Variants in SGCZ observed in about 807,000 individuals in gnomAD.
SGCZ encodes sarcoglycan zeta.
A neutral mutation model predicts 41.3 loss-of-function variants in SGCZ; 40 were observed. The observed-to-expected ratio is 0.97, with a 90% CI of 0.75 to 1.26. The LOEUF is 1.26. SGCZ is among the 50% of genes most tolerant of loss of function. SGCZ has a pLI of 0.00. For missense variants in SGCZ, 552 were observed against 369.8 expected (o/e 1.49, Z -4.04); for synonymous variants, 206 against 137.5 (o/e 1.50, Z -3.49).
chr8:14,193,132 T>C (rs1471934768), intron 4 of SGCZ, among the ~76,000 whole-genome samples: 1 of 151,882 alleles, frequency 6.6e-6, no homozygotes, highest in South Asian at 2.1e-4. Context: ...GTTTTCTTTT[T>C]TGACAAAGTA....
intron 1 of SGCZ, among the ~76,000 whole-genome samples, chr8:14,965,797 G>T (rs1352318038): frequency 5.3e-5 from 8 of 152,030 alleles, no homozygotes; most frequent in Admixed American, 5.2e-4. Flanking sequence ...AATATCCAAT[G>T]CTAGTAAGTA....
At chr8:14,512,950 T>C (rs1013204553) in intron 2 of SGCZ, among the ~76,000 whole-genome samples, 2 of 151,712 alleles carry the variant, frequency 1.3e-5, no homozygotes, top group African/African-American at 4.8e-5. Context: ...TGAAGCCTGA[T>C]AATGTCTATT....
In SGCZ at chr8:14,164,453, C is replaced by G. The variant is rs1804143668; in HGVS notation, c.547+127G>C. On this transcript the variant is annotated intron_variant, in intron 5 of 7. Coordinates refer to ENST00000382080, the MANE Select transcript of SGCZ (RefSeq NM_139167.4). ...TTCCATTTGAAGGCTACTTGAAGAA[C>G]AAACGTTGTGATTATGTAAGACTCT... 2.6e-6 allele frequency: 3 copies of G among 1,166,168 alleles called. No individual in the cohort carries two copies. The East Asian group carries it at 7.5e-5, about 29-fold the overall frequency. 72.2% of individuals were successfully genotyped at this position (1,166,168 alleles called of 1,614,324 possible). A position where few individuals can be genotyped will look rare whatever the true frequency, so the allele number is the denominator to read the frequency against.
At chr8:14,178,194 T>A (rs1458498728) in intron 4 of SGCZ, among the ~76,000 whole-genome samples, 1 of 152,102 alleles carries the variant, frequency 6.6e-6, no homozygotes, top group Non-Finnish European at 1.5e-5. Flanking sequence ...CCTCAGGTGA[T>A]CTGCCTGCCT....
chr8:14,146,871 CA>C lies in SGCZ; in HGVS notation c.547+17708del, dbSNP rs66592259. ...TGGGCGACAGAGCGAGACTCCGTCT[CA>C]AAAAATAAAAATAAAAAAAATAATA... On this transcript the variant is annotated intron_variant, in intron 5 of 7. Coordinates refer to ENST00000382080, the MANE Select transcript of SGCZ (RefSeq NM_139167.4). 6.7e-5 allele frequency among the ~76,000 whole-genome samples: 5 copies of C among 74,842 alleles called. 1 individual carries two copies. The highest frequency in any genetic ancestry group is 2.2e-4 in the African/African-American group (4 of 18,548). The allele number at this position is 74,842 out of a possible 152,430, so 49.1% of individuals were successfully genotyped here. A position where few individuals can be genotyped will look rare whatever the true frequency, so the allele number is the denominator to read the frequency against.
At chr8:14,424,622 GT>G in intron 2 of SGCZ, among the ~76,000 whole-genome samples, 1 of 128,522 alleles carries the variant, frequency 7.8e-6, no homozygotes, top group Non-Finnish European at 1.6e-5. Context: ...AGCTTTTGTT[GT>G]CATTTTTACG....
At chr8:14,486,828 G>C (rs1236387263) in intron 2 of SGCZ, among the ~76,000 whole-genome samples, 1 of 152,212 alleles carries the variant, frequency 6.6e-6, no homozygotes, top group Non-Finnish European at 1.5e-5. Flanking sequence ...GGCTGTGAAT[G>C]ATTACGTTTT....
chr8:15,067,761 T>C (rs1805206737), intron 1 of SGCZ, among the ~76,000 whole-genome samples: 1 of 152,178 alleles, frequency 6.6e-6, no homozygotes. Flanking sequence ...TTCTATGCCA[T>C]GCACTGTGCA....
chr8:14,760,338 C>T (rs1261759458), intron 1 of SGCZ, among the ~76,000 whole-genome samples: 2 of 152,182 alleles, frequency 1.3e-5, no homozygotes, highest in South Asian at 2.1e-4. Context: ...GTTAACAATC[C>T]GATGGAAGAA....
intron 1 of SGCZ, among the ~76,000 whole-genome samples, chr8:14,759,894 C>T (rs1799807060): frequency 1.3e-5 from 2 of 152,160 alleles, no homozygotes; most frequent in South Asian, 2.1e-4. Flanking sequence ...CCAGGATCAA[C>T]AGAACACTGC....
At chr8:14,240,922 C>T (rs1223039586) in intron 3 of SGCZ, among the ~76,000 whole-genome samples, 7 of 152,152 alleles carry the variant, frequency 4.6e-5, no homozygotes, top group Admixed American at 4.6e-4. Context: ...ATCTTTCAGT[C>T]ATTTAAGGGA....
chr8:15,223,047 G>T (rs1251123183), intron 1 of SGCZ, among the ~76,000 whole-genome samples: 1 of 152,068 alleles, frequency 6.6e-6, no homozygotes, highest in African/African-American at 2.4e-5. Context: ...CAGATGGTAA[G>T]GAGATGAGAG....
At chr8:14,724,205 G>T (rs145069503) in intron 1 of SGCZ, among the ~76,000 whole-genome samples, 1 of 152,058 alleles carries the variant, frequency 6.6e-6, no homozygotes, top group Non-Finnish European at 1.5e-5. Context: ...GTTGTGTTCT[G>T]CTGTACTATT....
intron 4 of SGCZ, among the ~76,000 whole-genome samples, chr8:14,204,537 G>C (rs1805558801): frequency 6.6e-6 from 1 of 152,076 alleles, no homozygotes; most frequent in African/African-American, 2.4e-5. Context: ...TTGATTAGAT[G>C]AAGGAACACC....
intron 1 of SGCZ, among the ~76,000 whole-genome samples, chr8:15,141,949 G>A (rs1303117651): frequency 6.6e-6 from 1 of 151,928 alleles, no homozygotes; most frequent in Non-Finnish European, 1.5e-5. Context: ...TCTGTCAAAT[G>A]CAGAAAGGAA....
rs76624139 is a variant in SGCZ, at chr8:15,077,524, A to G, written c.39+160061T>C. ...TATGGCAGTCAATCAAAGAAATTGA[A>G]TTTTTCTAACTGAAGGAGAAGAAGG... On this transcript the variant is annotated intron_variant, in intron 1 of 7. Transcript: ENST00000382080. Among the ~76,000 whole-genome samples, 1,201 of 152,262 alleles carry G rather than the reference A, an allele frequency of 7.9e-3. 4 individuals are homozygous for G. Among genetic ancestry groups the G allele is most frequent in the Non-Finnish European group, 0.013 (914 of 68,020 alleles).
chr8:14,843,684 G>A (rs1224734084), intron 1 of SGCZ, among the ~76,000 whole-genome samples: 2 of 150,086 alleles, frequency 1.3e-5, no homozygotes, highest in East Asian at 1.9e-4. Context: ...CATAGGATAT[G>A]ATCTAAAAAA....
At chr8:14,972,645 C>T (rs1315236552) in intron 1 of SGCZ, among the ~76,000 whole-genome samples, 3 of 152,148 alleles carry the variant, frequency 2.0e-5, no homozygotes, top group African/African-American at 7.2e-5. Flanking sequence ...TACCAGCCTA[C>T]TTTCTTTAAC....
chr8:14,998,180 T>A (rs1585453880), intron 1 of SGCZ, among the ~76,000 whole-genome samples: 1 of 152,126 alleles, frequency 6.6e-6, no homozygotes, highest in South Asian at 2.1e-4. Flanking sequence ...AGGCACTACC[T>A]ACAAAACGAA....
Sources: gnomAD v4.1 joint callset for allele counts (sites outside exome capture counted in the v4.1 genomes callset) on GRCh38, gnomAD v4.1.1 for gene constraint, MANE v1.5 for transcripts, NCBI Gene and HGNC (gene_info 2026-07-23, HGNC 2026-07-21) for gene names.